CASP1: variants seen among roughly 807,000 people sequenced by gnomAD.
CASP1 encodes caspase 1.
CASP1 carries 31 observed loss-of-function variants against 41.2 expected under a neutral mutation model. The ratio of observed to expected loss-of-function variants is 0.75; its 90% CI spans 0.57 to 1.02. The LOEUF (loss-of-function observed/expected upper bound fraction) is 1.02, where lower values mean the gene tolerates loss of function less well. CASP1 is among the 50% of genes least tolerant of loss of function. The pLI is 0.00. For missense variants in CASP1, 490 were observed against 495.7 expected, an observed-to-expected ratio of 0.99 and a Z score of 0.11; for synonymous variants, 163 against 166.5, an observed-to-expected ratio of 0.98 and a Z score of 0.16.
At chr11:105,032,993 T>A (rs1450764625) in intron 3 of CASP1, 71 bp downstream of exon 3, 1 of 954,632 alleles carries the variant, frequency 1.0e-6, no homozygotes, top group African/African-American at 1.6e-5. Context: ...TTTACCCACG[T>A]TTGATCCTAC....
intron 2 of CASP1, chr11:105,034,005 A>T: frequency 3.3e-6 from 3 of 896,400 alleles, no homozygotes; most frequent in African/African-American, 1.6e-5. Context: ...AATGAGCTTT[A>T]ATCAGAAGAG....
chr11:105,031,084 C>A, intron 4 of CASP1, 81 bp downstream of exon 4: 1 of 790,730 alleles, frequency 1.3e-6, no homozygotes, highest in South Asian at 1.4e-5. Flanking sequence ...GAGGTTGGCT[C>A]TAAGAATAAG....
In CASP1 at chr11:105,026,245, C is replaced by T; in HGVS notation, c.*13G>A. The T allele has an allele frequency of 7.8e-6, 12 of 1,532,802 alleles. No homozygotes were observed. Among genetic ancestry groups the T allele is most frequent in the Non-Finnish European group, 1.1e-5 (12 of 1,106,596 alleles). The allele number at this position is 1,532,802 out of a possible 1,614,324, so 95.0% of individuals were successfully genotyped here. On this transcript the variant is annotated 3_prime_UTR_variant, in exon 9 of 9. Transcript: ENST00000533400. ...ATGTACCTGCCCACAGACATTCATA[C>T]AGTTTCCTTATTTTAATGTCCTGGG...
chr11:105,033,324 G>T (rs1447972094), intron 2 of CASP1, among the ~76,000 whole-genome samples, 198 bp from the exon 3 acceptor site: 2 of 152,188 alleles, frequency 1.3e-5, no homozygotes, highest in Non-Finnish European at 2.9e-5. Context: ...AGAAAAATAC[G>T]TGTTTATTAC....
chr11:105,035,868 G>T (rs1863997021), upstream of CASP1, among the ~76,000 whole-genome samples: 1 of 151,684 alleles, frequency 6.6e-6, no homozygotes, highest in African/African-American at 2.4e-5. Flanking sequence ...TGCCCACCTT[G>T]GTCTCCCAAA....
Position 105,031,294 on chromosome 11 carries a change from A to AGTG in CASP1, c.338-15_338-14insCAC. ...CTGCCTGAGGAGCTGCAAGAGACAA[A>AGTG]GAACATCATGAACAGTGGCATCCCT... On this transcript the variant is annotated splice_polypyrimidine_tract_variant and intron_variant, in intron 3 of 8. Coordinates refer to ENST00000533400, the MANE Select transcript of CASP1 (RefSeq NM_001257118.3). 1 of 1,457,060 alleles carries AGTG rather than the reference A, an allele frequency of 6.9e-7. No homozygotes were observed. The highest frequency in any genetic ancestry group is 9.6e-7 in the Non-Finnish European group (1 of 1,037,902). 90.3% of individuals were successfully genotyped at this position (1,457,060 alleles called of 1,614,324 possible).
rs751339645 is a variant in CASP1 at position 105,033,076 on chromosome 11, A to G, written c.325T>C (p.Ser109Pro). ...AAAACAGCATTACCTGGAAAGGAAG[A>G]AAGTACTCCTTGAGAGTCTTGCATA... ...LNMQDSQGVL[S>P]SFPAPQAVQD... is the part of the protein sequence containing the mutation. Residue 109 changes from serine (S) to proline (P), a missense_variant, in exon 3 of 9, where the codon TCT (serine) becomes CCT (proline). Ser to Pro is a moderately conservative substitution (Grantham distance 74, BLOSUM62 -1). Coordinates refer to ENST00000533400, the MANE Select transcript of CASP1 (RefSeq NM_001257118.3). The G allele has an allele frequency of 3.4e-5, 53 of 1,580,268 alleles. No homozygotes were observed. In the South Asian group the frequency reaches 5.4e-4, roughly 16 times the overall value.
intron 3 of CASP1, 40 bp from the exon 4 acceptor site, chr11:105,031,320 G>T: frequency 8.4e-7 from 1 of 1,188,668 alleles, no homozygotes; most frequent in Non-Finnish European, 1.3e-6. Flanking sequence ...TGGCATCCCT[G>T]TTTGTTCCAC....
intron 2 of CASP1, among the ~76,000 whole-genome samples, 162 bp from the exon 3 acceptor site, chr11:105,033,288 A>T (rs1863807299): frequency 6.6e-6 from 1 of 152,198 alleles, no homozygotes; most frequent in Non-Finnish European, 1.5e-5. Context: ...GAGTGGTGGG[A>T]GGTAGAAAAT....
At position 105,029,813 on chromosome 11, in the gene CASP1, A is replaced by G. The variant is rs1239817974; in HGVS notation, c.714T>C (p.Gly238=). 3 of 1,613,782 alleles carry G rather than the reference A, an allele frequency of 1.9e-6. No homozygotes were observed. Among genetic ancestry groups the G allele is most frequent in the East Asian group, 2.2e-5 (1 of 44,878 alleles). The change falls in exon 6 of 9, where the codon GGT becomes GGC. Residue 238 remains glycine, a synonymous_variant. Coordinates refer to ENST00000533400, the MANE Select transcript of CASP1 (RefSeq NM_001257118.3). ...TCTTCCCACAAATGCCTTCCCGAAT[A>G]CCATGAGACATGAACACCAGGAACG... is the stretch of plus-strand genomic sequence containing the variant. ...DSTFLVFMSH[G]IREGICGKKH...
chr11:105,026,933 T>A lies in CASP1; in HGVS notation c.1025A>T (p.His342Leu). ...AATAAAAACAGAGCCCATTGTGGGA[T>A]GTCTCCAAGAAACATTATCTATGGA... ...SSTPDNVSWR[H>L]PTMGSVFIGR... The change falls in exon 8 of 9, where the codon CAT becomes CTT. Residue 342 changes from histidine to leucine, a missense_variant. Transcript: ENST00000533400. 1 of 1,590,528 alleles carries A rather than the reference T, an allele frequency of 6.3e-7. No homozygotes were observed. Among genetic ancestry groups the A allele is most frequent in the East Asian group, 2.2e-5 (1 of 44,758 alleles).
rs753538597 is a variant in CASP1 at position 105,025,965 on chromosome 11, A to C, written c.*293T>G. On this transcript the variant is annotated 3_prime_UTR_variant, in exon 9 of 9. Transcript: ENST00000533400. ...TGCTACCAGAAGTATTTCAAATTTC[A>C]GATATTTTTGTATATTGGAATTCAG... 8 of 278,110 alleles carry C rather than the reference A, an allele frequency of 2.9e-5. No homozygotes were observed. Among genetic ancestry groups the C allele is most frequent in the Middle Eastern group, 1.1e-3 (1 of 882 alleles). 17.2% of individuals were successfully genotyped at this position (278,110 alleles called of 1,614,324 possible).
chr11:105,030,145 A>T (rs1162482983), intron 5 of CASP1, among the ~76,000 whole-genome samples, 185 bp downstream of exon 5: 1 of 152,134 alleles, frequency 6.6e-6, no homozygotes. Flanking sequence ...ATTCAGTTAT[A>T]CCAGGCTTGT....
At chr11:105,029,031 G>T in intron 7 of CASP1, 93 bp downstream of exon 7, 4 of 1,158,456 alleles carry the variant, frequency 3.5e-6, no homozygotes, top group Non-Finnish European at 4.9e-6. Context: ...AGCTTGAGTT[G>T]GTCTTGAGTT....
In CASP1 at chr11:105,029,659, A is replaced by T. The variant is rs773709056; in HGVS notation, c.862+6T>A. ...GTCTGGTGTTCTCAAAGGCATCAGC[A>T]CTCACCACCACGGCAGGCCTGGATG... On this transcript the variant is annotated splice_donor_region_variant and intron_variant, in intron 6 of 8. Transcript: ENST00000533400. 6.2e-7 allele frequency: 1 copy of T among 1,600,662 alleles called. No homozygotes were observed. The highest frequency in any genetic ancestry group is 8.6e-7 in the Non-Finnish European group (1 of 1,168,196).
rs186273884 is a variant in CASP1 at position 105,027,976 on chromosome 11, T to A, written c.1007-1025A>T. On this transcript the variant is annotated intron_variant, in intron 7 of 8. Transcript: ENST00000533400. The stretch of plus-strand genomic sequence containing the variant: ...GAAAGTGAAAGAAAAGAAAGACACA[T>A]AAATCAGCCAGATTGATAATGAGAA... Among the ~76,000 whole-genome samples the A allele has an allele frequency of 9.9e-5, 15 of 152,112 alleles. No individual in the cohort carries two copies. In the East Asian group the frequency reaches 2.9e-3, roughly 29 times the overall value.
chr11:105,035,898 G>C (rs1024448439), upstream of CASP1, among the ~76,000 whole-genome samples: 3 of 152,062 alleles, frequency 2.0e-5, no homozygotes, highest in Admixed American at 6.6e-5. Context: ...TTACAGGCAT[G>C]AGCCACCCAC....
rs762850041 is a variant in CASP1, at chr11:105,031,299, AT to A, written c.338-20del. The A allele has an allele frequency of 2.9e-6, 4 of 1,396,508 alleles. No homozygotes were observed. The East Asian group carries it at 9.1e-5, about 32-fold the overall frequency. The allele number at this position is 1,396,508 out of a possible 1,614,324, so 86.5% of individuals were successfully genotyped here. The stretch of plus-strand genomic sequence containing the variant: ...TGAGGAGCTGCAAGAGACAAAGAAC[AT>A]CATGAACAGTGGCATCCCTGTTTGT... On this transcript the variant is annotated intron_variant, in intron 3 of 8. Transcript: ENST00000533400.
At chr11:105,026,677 A>G in intron 8 of CASP1, 165 bp downstream of exon 8, 1 of 612,878 alleles carries the variant, frequency 1.6e-6, no homozygotes, top group Non-Finnish European at 2.9e-6. Context: ...AATAGATTGG[A>G]TTAGGCTCCT....
Sources: gnomAD v4.1 joint callset for allele counts (sites outside exome capture counted in the v4.1 genomes callset) on GRCh38, gnomAD v4.1.1 for gene constraint, MANE v1.5 for transcripts, NCBI Gene and HGNC (gene_info 2026-07-23, HGNC 2026-07-21) for gene names.